MAD1L1: variants seen among roughly 807,000 people sequenced by gnomAD.
MAD1L1 encodes mitotic arrest deficient 1 like 1.
MAD1L1 carries 95 observed loss-of-function variants against 96.9 expected under a neutral mutation model. The ratio of observed to expected loss-of-function variants is 0.98; its 90% confidence interval spans 0.83 to 1.16. The LOEUF (loss-of-function observed/expected upper bound fraction) is 1.16. Ranked by LOEUF, MAD1L1 falls within the 50% of genes most tolerant of loss-of-function variation. The pLI is 0.00. For synonymous variants in MAD1L1, 473 were observed against 396.6 expected (o/e 1.19, Z -2.29); for missense variants, 1,007 against 954.4 (o/e 1.06, Z -0.73).
intron 12 of MAD1L1, among the ~76,000 whole-genome samples, chr7:2,063,342 C>T (rs1267199208): frequency 2.6e-5 from 4 of 152,210 alleles, no homozygotes; most frequent in African/African-American, 4.8e-5. Context: ...TGTGCCGGAT[C>T]CCAGGACTTA....
intron 18 of MAD1L1, among the ~76,000 whole-genome samples, chr7:1,851,544 G>T (rs753212524): frequency 6.6e-6 from 1 of 152,142 alleles, no homozygotes; most frequent in Non-Finnish European, 1.5e-5. Context: ...GGGACAGCAC[G>T]GCTAGTCTGA....
intron 16 of MAD1L1, among the ~76,000 whole-genome samples, chr7:1,955,321 C>T (rs780918739): frequency 3.9e-5 from 6 of 152,198 alleles, no homozygotes; most frequent in Non-Finnish European, 7.3e-5. Flanking sequence ...CCTGGGGCCT[C>T]GCTCTGTCAC....
chr7:1,950,658 T>C (rs984375316), intron 16 of MAD1L1, among the ~76,000 whole-genome samples: 6 of 152,030 alleles, frequency 3.9e-5, no homozygotes, highest in African/African-American at 1.4e-4. Context: ...AGCTCTCACC[T>C]CCTCCCCTGC....
intron 15 of MAD1L1, among the ~76,000 whole-genome samples, chr7:1,962,037 G>A (rs957435344): frequency 1.3e-5 from 2 of 152,014 alleles, no homozygotes; most frequent in South Asian, 2.1e-4. Flanking sequence ...ATGAATCACA[G>A]GGCGGTTTCC....
chr7:1,889,169 T>C lies in MAD1L1; in HGVS notation c.1998+9031A>G, dbSNP rs150841682. Among the ~76,000 whole-genome samples the C allele has an allele frequency of 4.1e-3, 621 of 152,292 alleles. 5 individuals are homozygous for C. The highest frequency in any genetic ancestry group is 0.014 in the African/African-American group (569 of 41,566). On this transcript the variant is annotated intron_variant, in intron 18 of 18. Transcript: ENST00000265854. Reference sequence around the variant, plus strand: ...GACAAGGCTTGAGGAGGTGAAGCCATGTGTCCAGGTCCCGGGGCTGGCAGA... The same window carrying C: ...GACAAGGCTTGAGGAGGTGAAGCCACGTGTCCAGGTCCCGGGGCTGGCAGA...
chr7:2,021,679 C>A (rs1304389242), intron 12 of MAD1L1, among the ~76,000 whole-genome samples: 1 of 152,050 alleles, frequency 6.6e-6, no homozygotes, highest in Non-Finnish European at 1.5e-5. Flanking sequence ...GCAGGAGAAT[C>A]GCTTGAACCC....
chr7:1,998,454 C>A (rs558729058), intron 14 of MAD1L1, among the ~76,000 whole-genome samples: 117 of 152,348 alleles, frequency 7.7e-4, no homozygotes, highest in Non-Finnish European at 1.2e-3. Flanking sequence ...CCATTTCTAA[C>A]CCTCCTGGCC....
At chr7:2,135,845 G>A (rs1193922013) in intron 11 of MAD1L1, among the ~76,000 whole-genome samples, 1 of 152,248 alleles carries the variant, frequency 6.6e-6, no homozygotes, top group Non-Finnish European at 1.5e-5. Context: ...GCCTTTGGAG[G>A]TGAGTCCAAG....
At chr7:1,848,062 G>A (rs906030783) in intron 18 of MAD1L1, 7 of 329,020 alleles carry the variant, frequency 2.1e-5, no homozygotes, top group Non-Finnish European at 3.6e-5. Flanking sequence ...GTGGTGGGAC[G>A]GGGCTGGGGT....
chr7:1,975,849 CG>C (rs1213638886), intron 15 of MAD1L1, among the ~76,000 whole-genome samples: 1 of 152,086 alleles, frequency 6.6e-6, no homozygotes, highest in Non-Finnish European at 1.5e-5. Context: ...GGCCGGGAAG[CG>C]AGGGTCCGAG....
chr7:1,842,657 C>T (rs915258809), intron 18 of MAD1L1, among the ~76,000 whole-genome samples: 2 of 152,248 alleles, frequency 1.3e-5, no homozygotes, highest in Admixed American at 6.5e-5. Flanking sequence ...CTTCGTCCAT[C>T]GCTGGGCCCA....
At chr7:2,037,196 A>C (rs895249755) in intron 12 of MAD1L1, among the ~76,000 whole-genome samples, 1 of 150,704 alleles carries the variant, frequency 6.6e-6, no homozygotes, top group Admixed American at 6.6e-5. Flanking sequence ...TTGTCTTCTT[A>C]ATAGACTCTT....
At chr7:2,028,179 A>G (rs1157453919) in intron 12 of MAD1L1, among the ~76,000 whole-genome samples, 1 of 152,076 alleles carries the variant, frequency 6.6e-6, no homozygotes, top group Non-Finnish European at 1.5e-5. Flanking sequence ...TAATCCCAGC[A>G]CTTTGGGAGG....
chr7:2,181,914 C>T (rs1001028120), intron 10 of MAD1L1, among the ~76,000 whole-genome samples: 4 of 151,848 alleles, frequency 2.6e-5, no homozygotes, highest in South Asian at 4.2e-4. Flanking sequence ...TTCTTCTAAG[C>T]GAAGAAACTC....
chr7:1,830,378 C>A (rs1782646025), intron 18 of MAD1L1, among the ~76,000 whole-genome samples: 1 of 151,986 alleles, frequency 6.6e-6, no homozygotes, highest in Non-Finnish European at 1.5e-5. Flanking sequence ...GCCTGGGCGA[C>A]AGAGTGAGAC....
At chr7:1,914,802 A>G (rs1428737928) in intron 17 of MAD1L1, among the ~76,000 whole-genome samples, 1 of 99,442 alleles carries the variant, frequency 1.0e-5, no homozygotes, top group East Asian at 3.1e-4. Flanking sequence ...ATTTTTATAA[A>G]TAGGGTCTTG....
At chr7:2,081,539 C>T (rs752869012) in intron 11 of MAD1L1, among the ~76,000 whole-genome samples, 3 of 152,224 alleles carry the variant, frequency 2.0e-5, no homozygotes, top group Non-Finnish European at 2.9e-5. Context: ...CCGGAACCCA[C>T]CCCACACAGG....
chr7:2,167,644 C>T (rs1359494397), intron 10 of MAD1L1, among the ~76,000 whole-genome samples: 3 of 151,880 alleles, frequency 2.0e-5, no homozygotes, highest in Non-Finnish European at 4.4e-5. Flanking sequence ...GTGGGAGGAC[C>T]ACTTGAGCCC....
chr7:1,933,393 C>T (rs1029090370), intron 17 of MAD1L1, among the ~76,000 whole-genome samples: 9 of 152,172 alleles, frequency 5.9e-5, no homozygotes, highest in South Asian at 2.1e-4. Flanking sequence ...ACCTGCTGCC[C>T]GTGTTCTGCA....
Sources: gnomAD v4.1 joint callset for allele counts (sites outside exome capture counted in the v4.1 genomes callset) on GRCh38, gnomAD v4.1.1 for gene constraint, MANE v1.5 for transcripts, NCBI Gene and HGNC (gene_info 2026-07-23, HGNC 2026-07-21) for gene names.